The following EPB41L5 variants were observed in gnomAD, a reference collection of about 807,000 sequenced individuals.
The protein encoded by EPB41L5 is band 4.1-like protein 5.
In EPB41L5, 55 loss-of-function variants were observed where a neutral mutation model predicts 106.6. That is an observed-to-expected ratio of 0.52 (90% CI 0.42 to 0.65). The LOEUF (loss-of-function observed/expected upper bound fraction) is 0.65. Ranked by LOEUF, EPB41L5 falls within the 30% of genes least tolerant of loss-of-function variation. EPB41L5 has a pLI of 0.00. For synonymous variants in EPB41L5, 297 were observed against 306.7 expected, an observed-to-expected ratio of 0.97 and a Z score of 0.33; for missense variants, 871 against 882.1, an observed-to-expected ratio of 0.99 and a Z score of 0.16.
At chr2:120,168,949 A>C (rs957745532) in intron 24 of EPB41L5, among the ~76,000 whole-genome samples, 1 of 152,222 alleles carries the variant, frequency 6.6e-6, no homozygotes, top group African/African-American at 2.4e-5. Context: ...TGTATGCCTA[A>C]TAATGATCAC....
intron 4 of EPB41L5, among the ~76,000 whole-genome samples, 184 bp from the exon 5 acceptor site, chr2:120,073,916 T>A (rs1353282107): frequency 6.6e-6 from 1 of 152,158 alleles, no homozygotes; most frequent in Non-Finnish European, 1.5e-5. Context: ...TGAGAGTTAA[T>A]AGTAATATGA....
At chr2:120,120,702 G>T (rs997046066) in intron 16 of EPB41L5, among the ~76,000 whole-genome samples, 2 of 152,212 alleles carry the variant, frequency 1.3e-5, no homozygotes, top group South Asian at 2.1e-4. Context: ...TCTTCATATG[G>T]TATTGTTTGT....
chr2:120,126,979 T>C (rs111391216), intron 16 of EPB41L5, among the ~76,000 whole-genome samples: 1 of 152,328 alleles, frequency 6.6e-6, no homozygotes, highest in African/African-American at 2.4e-5. Context: ...CTTTATTAAA[T>C]TTATTCCTAA....
intron 3 of EPB41L5, among the ~76,000 whole-genome samples, chr2:120,049,029 G>A (rs1680026221): frequency 6.6e-6 from 1 of 152,148 alleles, no homozygotes; most frequent in Admixed American, 6.6e-5. Context: ...CTGAGAGACA[G>A]TTTGTTATAA....
intron 3 of EPB41L5, among the ~76,000 whole-genome samples, chr2:120,047,616 A>G (rs374100773): frequency 2.6e-5 from 4 of 152,104 alleles, no homozygotes; most frequent in South Asian, 2.1e-4. Flanking sequence ...AACAGGGACA[A>G]TTTGACTTCC....
At chr2:120,031,421 G>C (rs1195108581) in intron 2 of EPB41L5, among the ~76,000 whole-genome samples, 1 of 152,172 alleles carries the variant, frequency 6.6e-6, no homozygotes, top group African/African-American at 2.4e-5. Flanking sequence ...AAGAGGTGGT[G>C]ACCTGAAATA....
At chr2:120,141,930 A>G (rs1226597946) in intron 18 of EPB41L5, among the ~76,000 whole-genome samples, 1 of 151,996 alleles carries the variant, frequency 6.6e-6, no homozygotes, top group Non-Finnish European at 1.5e-5. Flanking sequence ...GGAAGTAGCA[A>G]GTTTTCCAGT....
chr2:120,078,430 T>G, intron 9 of EPB41L5, 63 bp from the exon 10 acceptor site: 1 of 995,806 alleles, frequency 1.0e-6, no homozygotes, highest in Non-Finnish European at 1.5e-6. Context: ...ATTTAAAAGT[T>G]GTGTCAATGT....
chr2:120,100,458 A>G (rs549973670), intron 15 of EPB41L5, among the ~76,000 whole-genome samples, 172 bp downstream of exon 15: 1 of 152,206 alleles, frequency 6.6e-6, no homozygotes, highest in African/African-American at 2.4e-5. Context: ...TTTATTCTCT[A>G]AGATTTTGTA....
intron 10 of EPB41L5, among the ~76,000 whole-genome samples, chr2:120,085,194 C>T (rs754307481): frequency 8.5e-5 from 13 of 152,250 alleles, no homozygotes; most frequent in East Asian, 5.8e-4. Context: ...AGGGGAGAGG[C>T]GCTCTGATTT....
chr2:120,070,596 C>A (rs947752733), intron 3 of EPB41L5, among the ~76,000 whole-genome samples: 1 of 152,160 alleles, frequency 6.6e-6, no homozygotes, highest in Non-Finnish European at 1.5e-5. Context: ...CAATAAAATA[C>A]CAGCAAACTG....
chr2:120,022,397 T>C (rs1202907355), intron 2 of EPB41L5, among the ~76,000 whole-genome samples: 1 of 151,210 alleles, frequency 6.6e-6, no homozygotes, highest in East Asian at 2.0e-4. Flanking sequence ...TGTGTTCTCA[T>C]TGTTCAGCTC....
At chr2:120,106,689 CTG>C in intron 16 of EPB41L5, 1 of 985,350 alleles carries the variant, frequency 1.0e-6, no homozygotes, top group African/African-American at 1.7e-5. Context: ...TACATTTTGA[CTG>C]TTTTTACAGT....
At chr2:120,130,397 G>C (rs1006750460) in intron 17 of EPB41L5, among the ~76,000 whole-genome samples, 1 of 152,104 alleles carries the variant, frequency 6.6e-6, no homozygotes, top group South Asian at 2.1e-4. Context: ...TTTTATTTTG[G>C]TTGTAATGTC....
chr2:120,147,602 G>A (rs2105505108), intron 20 of EPB41L5, among the ~76,000 whole-genome samples: 1 of 139,578 alleles, frequency 7.2e-6, no homozygotes, highest in East Asian at 2.1e-4. Flanking sequence ...TCCAGCGTGG[G>A]CAACAGAGCG....
intron 10 of EPB41L5, among the ~76,000 whole-genome samples, chr2:120,082,355 T>G (rs1391023630): frequency 6.6e-6 from 1 of 152,234 alleles, no homozygotes; most frequent in Non-Finnish European, 1.5e-5. Flanking sequence ...TTTCTGCATC[T>G]ATTGAGATAA....
chr2:120,154,444 C>T (rs1364427221), intron 20 of EPB41L5, among the ~76,000 whole-genome samples: 1 of 151,202 alleles, frequency 6.6e-6, no homozygotes, highest in Non-Finnish European at 1.5e-5. Context: ...GGATTACAGG[C>T]ATGAGCCACT....
intron 10 of EPB41L5, among the ~76,000 whole-genome samples, chr2:120,080,388 G>A (rs1247141475): frequency 1.3e-5 from 2 of 152,068 alleles, no homozygotes; most frequent in African/African-American, 4.8e-5. Flanking sequence ...ATAGTTTGCT[G>A]AGAATGATGA....
intron 1 of EPB41L5, among the ~76,000 whole-genome samples, chr2:120,017,162 C>T (rs533304987): frequency 2.0e-5 from 3 of 152,310 alleles, no homozygotes; most frequent in Admixed American, 6.5e-5. Flanking sequence ...TCTTTTGCTC[C>T]CTCTCCTGAG....
Sources: allele counts gnomAD v4.1 joint callset (sites outside exome capture counted in the v4.1 genomes callset), GRCh38; gene constraint gnomAD v4.1.1; transcripts MANE v1.5; gene names NCBI Gene and HGNC (gene_info 2026-07-23, HGNC 2026-07-21).